The following ATRN variants were observed in gnomAD, a reference collection of about 807,000 sequenced individuals.
ATRN encodes attractin-2.
In ATRN, 54 loss-of-function variants were observed where a neutral mutation model predicts 178.7. That is an observed-to-expected ratio of 0.30 (90% confidence interval 0.24 to 0.38). ATRN has a LOEUF of 0.38. Ranked by LOEUF, ATRN falls within the 10% of genes least tolerant of loss-of-function variation. The probability of loss-of-function intolerance (pLI) is 1.00; values close to 1 mark genes in which losing one functional copy is unlikely to be tolerated. For synonymous variants in ATRN, 636 were observed against 663.0 expected (o/e 0.96, Z 0.63); for missense variants, 1,443 against 1,815.1 (o/e 0.79, Z 3.73).
chr20:3,638,647 G>A lies in ATRN; in HGVS notation c.3943-181G>A, dbSNP rs1270103642. 6.6e-6 allele frequency among the ~76,000 whole-genome samples: 1 copy of A among 152,114 alleles called. No individual in the cohort carries two copies. Among genetic ancestry groups the A allele is most frequent in the East Asian group, 1.9e-4 (1 of 5,198 alleles). On this transcript the variant is annotated intron_variant, in intron 26 of 28. Coordinates refer to ENST00000262919, the MANE Select transcript of ATRN (RefSeq NM_139321.3). This position sits in a 1 kb window ranked among gnomAD's most constrained non-coding sequence, Gnocchi z 4.5. ...TTTTAAAAAATATAAGGACAATGGT[G>A]TTATCACATCCAACAAAATTTAGTA...
Position 3,646,885 on chromosome 20 carries a change from A to C in ATRN, c.*38A>C, listed in dbSNP as rs1568781040. The stretch of plus-strand genomic sequence containing the variant: ...GGACTCTCCCACGCACGAGCTAGTG[A>C]GTGGCACACCAGAGCCATCTGCAGG... On this transcript the variant is annotated 3_prime_UTR_variant, in exon 29 of 29. Coordinates refer to ENST00000262919, the MANE Select transcript of ATRN (RefSeq NM_139321.3). 3.7e-6 allele frequency: 6 copies of C among 1,610,680 alleles called. No homozygotes were observed. The highest frequency in any genetic ancestry group is 5.1e-6 in the Non-Finnish European group (6 of 1,178,494).
chr20:3,507,831 C>T (rs116975716), intron 1 of ATRN, among the ~76,000 whole-genome samples: 6,017 of 151,360 alleles, frequency 0.04, 154 homozygotes, highest in Non-Finnish European at 0.057. Context: ...ACTACAGGCG[C>T]GCCACCACGC....
chr20:3,500,672 T>C (rs1387864158), intron 1 of ATRN, among the ~76,000 whole-genome samples: 1 of 124,540 alleles, frequency 8.0e-6, no homozygotes, highest in Non-Finnish European at 1.6e-5. Flanking sequence ...AACATCACAC[T>C]CTGGGGACTG....
chr20:3,572,614 T>G, intron 11 of ATRN, 117 bp from the exon 12 acceptor site: 3 of 871,550 alleles, frequency 3.4e-6, no homozygotes, highest in Non-Finnish European at 5.2e-6. Context: ...CCCAGGAGTT[T>G]GAGACTAGCC....
intron 4 of ATRN, 109 bp from the exon 5 acceptor site, chr20:3,547,175 G>A: frequency 1.1e-6 from 1 of 886,990 alleles, no homozygotes; most frequent in South Asian, 1.6e-5. Context: ...AGTTACACTT[G>A]TGAATGAACT....
At chr20:3,478,786 C>T (rs1181371234) in intron 1 of ATRN, among the ~76,000 whole-genome samples, 2 of 152,096 alleles carry the variant, frequency 1.3e-5, no homozygotes, top group African/African-American at 4.8e-5. Context: ...TTTTTCCTAA[C>T]CAAATCTTTC....
intron 24 of ATRN, among the ~76,000 whole-genome samples, chr20:3,612,490 G>A (rs1041734313): frequency 1.3e-5 from 2 of 152,138 alleles, no homozygotes; most frequent in Admixed American, 6.5e-5. Flanking sequence ...TCAAGAGGTG[G>A]AAATCTTGGG....
rs754203196 is a variant in ATRN at position 3,535,268 on chromosome 20, T to C, written c.426T>C (p.Ser142=). 6 of 1,518,438 alleles carry C rather than the reference T, an allele frequency of 4.0e-6. 1 individual carries two copies. In the South Asian group the frequency reaches 7.9e-5, roughly 20 times the overall value. The allele number at this position is 1,518,438 out of a possible 1,614,324, so 94.1% of individuals were successfully genotyped here. A position where few individuals can be genotyped will look rare whatever the true frequency, so the allele number is the denominator to read the frequency against. ...CGGRFRLTGS[S]GFVTDGPGNY... ...TAAATTACAGACTAACTGGATCTTC[T>C]GGGTTTGTGACAGATGGACCTGGAA... Residue 142 remains serine, a synonymous_variant, in exon 2 of 29, where the codon TCT becomes TCC. Coordinates refer to ENST00000262919, the MANE Select transcript of ATRN (RefSeq NM_139321.3).
At chr20:3,586,957 T>C (rs79115521) in intron 18 of ATRN, among the ~76,000 whole-genome samples, 2,019 of 152,338 alleles carry the variant, frequency 0.013, 38 homozygotes, top group African/African-American at 0.045. Context: ...GGCATCTCAC[T>C]GTTGTTTTCA....
At chr20:3,527,236 G>A (rs77341098) in intron 1 of ATRN, among the ~76,000 whole-genome samples, 51 of 151,994 alleles carry the variant, frequency 3.4e-4, no homozygotes, top group African/African-American at 1.1e-3. Flanking sequence ...AAGAAAAAAA[G>A]CAAACAACCC....
In ATRN at chr20:3,604,220, C is replaced by A; in HGVS notation, c.3759C>A (p.Phe1253Leu). The A allele has an allele frequency of 1.2e-5, 19 of 1,612,456 alleles. No individual in the cohort carries two copies. The highest frequency in any genetic ancestry group is 1.6e-5 in the Non-Finnish European group (19 of 1,179,564). Reference protein sequence around the residue: ...FDFRNHPNITFFVYVSNFTWP... With the variant: ...FDFRNHPNITLFVYVSNFTWP... ...TTCGCAACCACCCAAATATCACTTT[C>A]TTTGTTTATGTCAGTAATTTCACCT... The change falls in exon 24 of 29, where the codon TTC becomes TTA. Residue 1253 changes from phenylalanine to leucine, a missense_variant. Transcript: ENST00000262919.
Position 3,512,507 on chromosome 20 carries a change from T to C in ATRN, c.411-22746T>C, listed in dbSNP as rs2146130828. ...CACATTTTCTTAATCCAGTCTATCA[T>C]TGTTGGACATTTGGGTTGGTTCCAA... On this transcript the variant is annotated intron_variant, in intron 1 of 28. Transcript: ENST00000262919. 3.3e-5 allele frequency among the ~76,000 whole-genome samples: 5 copies of C among 152,298 alleles called. No individual in the cohort carries two copies. The Middle Eastern group carries it at 0.014, about 414-fold the overall frequency.
At chr20:3,609,906 C>T (rs2086738965) in intron 24 of ATRN, among the ~76,000 whole-genome samples, 1 of 152,086 alleles carries the variant, frequency 6.6e-6, no homozygotes, top group African/African-American at 2.4e-5. Context: ...TAGAGTAGTA[C>T]ACAGATTCTT....
intron 24 of ATRN, among the ~76,000 whole-genome samples, chr20:3,623,801 C>T (rs2086915462): frequency 1.3e-5 from 2 of 151,976 alleles, no homozygotes; most frequent in South Asian, 4.2e-4. Flanking sequence ...GGCTAATATC[C>T]CTGAAATCAT....
At chr20:3,628,844 G>A (rs557952147) in intron 25 of ATRN, 3 of 972,964 alleles carry the variant, frequency 3.1e-6, no homozygotes, top group Admixed American at 1.2e-4. Flanking sequence ...CTGCTTCTTA[G>A]CCTGCCTATT....
intron 27 of ATRN, among the ~76,000 whole-genome samples, chr20:3,643,233 C>T (rs1040654718): frequency 2.6e-5 from 4 of 152,048 alleles, no homozygotes; most frequent in Non-Finnish European, 5.9e-5. Flanking sequence ...CTGATAATTC[C>T]CCAGAACTCA....
chr20:3,563,146 C>A, intron 9 of ATRN, 63 bp from the exon 10 acceptor site: 2 of 1,418,230 alleles, frequency 1.4e-6, no homozygotes, highest in Non-Finnish European at 1.9e-6. Flanking sequence ...CTTGCATTAG[C>A]AGATACATAA....
At chr20:3,548,600 CAAAAAAAAAAA>C (rs58357636) in intron 5 of ATRN, among the ~76,000 whole-genome samples, 1 of 114,378 alleles carries the variant, frequency 8.7e-6, no homozygotes, top group Admixed American at 9.0e-5. Flanking sequence ...GACTCCATCT[CAAAAAAAAAAA>C]AAAAAAAAAG....
chr20:3,471,405 G>A lies in ATRN; in HGVS notation c.298G>A (p.Glu100Lys). 6.7e-7 allele frequency: 1 copy of A among 1,489,740 alleles called. No homozygotes were observed. The highest frequency in any genetic ancestry group is 1.3e-5 in the South Asian group (1 of 78,116). The allele number at this position is 1,489,740 out of a possible 1,614,324, so 92.3% of individuals were successfully genotyped here. A position where few individuals can be genotyped will look rare whatever the true frequency, so the allele number is the denominator to read the frequency against. The change falls in exon 1 of 29, where the codon GAA becomes AAA. Residue 100 changes from glutamate (E) to lysine (K), a missense_variant. This residue lies in a region of ATRN where 862 missense variants were observed against 972.1 expected (regional missense o/e 0.89). Transcript: ENST00000262919. Reference protein sequence around the residue: ...VSGSAAAEAKECDRPCVNGGR... With the variant: ...VSGSAAAEAKKCDRPCVNGGR... ...GGGCTCAGCCGCAGCCGAGGCCAAG[G>A]AATGTGACCGGCCCTGTGTCAACGG...
Sources: allele counts gnomAD v4.1 joint callset (sites outside exome capture counted in the v4.1 genomes callset), GRCh38; gene constraint gnomAD v4.1.1; regional missense constraint gnomAD v4.1.1; non-coding constraint Gnocchi (gnomAD v3.1); transcripts MANE v1.5; gene names NCBI Gene and HGNC (gene_info 2026-07-23, HGNC 2026-07-21).